Variants in PCSK5 observed in about 807,000 individuals in gnomAD.
PCSK5 encodes the protein prohormone convertase 5.
In PCSK5, 129 loss-of-function variants were observed where a neutral mutation model predicts 233.2. The observed-to-expected ratio is 0.55, with a 90% confidence interval of 0.48 to 0.64. The LOEUF is 0.64. Among genes scored for constraint, PCSK5 ranks in the 30% least tolerant of loss-of-function variants. The probability of loss-of-function intolerance (pLI) is 0.00; values close to 1 mark genes in which losing one functional copy is unlikely to be tolerated. For missense variants in PCSK5, 2,076 were observed against 2,430.1 expected (o/e 0.85, Z 3.06); for synonymous variants, 825 against 879.2 (o/e 0.94, Z 1.09).
intron 1 of PCSK5, 44 bp downstream of exon 1, chr9:75,891,417 T>C: frequency 2.8e-6 from 4 of 1,439,244 alleles, no homozygotes; most frequent in Non-Finnish European, 3.8e-6. Flanking sequence ...CTGAAGCCAC[T>C]GGGGGCTTCT....
At chr9:75,932,774 T>A (rs1321368904) in intron 2 of PCSK5, among the ~76,000 whole-genome samples, 1 of 152,070 alleles carries the variant, frequency 6.6e-6, no homozygotes, top group Non-Finnish European at 1.5e-5. Context: ...AGAGTTTGAT[T>A]GAGAATGATT....
Position 75,965,729 on chromosome 9 carries a change from C to T in PCSK5, c.298-20403C>T, listed in dbSNP as rs562779003. 3.9e-5 allele frequency among the ~76,000 whole-genome samples: 6 copies of T among 152,284 alleles called. No homozygotes were observed. In the East Asian group the frequency reaches 9.7e-4, roughly 25 times the overall value. Reference sequence around the variant, plus strand: ...CAAGTGGGCACATAAAATTAATTATCATACTGCCTATTGGTGACTTTTTTG... The same window carrying T: ...CAAGTGGGCACATAAAATTAATTATTATACTGCCTATTGGTGACTTTTTTG... On this transcript the variant is annotated intron_variant, in intron 2 of 37. Transcript: ENST00000674117.
At chr9:76,177,450 A>G (rs145168515) in intron 14 of PCSK5, among the ~76,000 whole-genome samples, 4 of 152,342 alleles carry the variant, frequency 2.6e-5, no homozygotes, top group Admixed American at 6.5e-5. Flanking sequence ...TTAAATACAC[A>G]TGTAGTTACT....
intron 33 of PCSK5, among the ~76,000 whole-genome samples, chr9:76,330,618 A>T (rs1194275352): frequency 2.0e-5 from 3 of 152,174 alleles, no homozygotes; most frequent in Admixed American, 6.5e-5. Flanking sequence ...TTTTAAATTT[A>T]AAAATTTTAA....
At chr9:76,114,569 T>C (rs977755823) in intron 9 of PCSK5, among the ~76,000 whole-genome samples, 1 of 152,138 alleles carries the variant, frequency 6.6e-6, no homozygotes, top group Non-Finnish European at 1.5e-5. Flanking sequence ...GTAGCCAGTG[T>C]GTTCCAACTC....
At chr9:76,323,015 C>A (rs1829252616) in intron 31 of PCSK5, 37 bp from the exon 32 acceptor site, 5 of 1,089,254 alleles carry the variant, frequency 4.6e-6, no homozygotes, top group South Asian at 4.1e-5. Context: ...TTTCTCCTAC[C>A]CCCCGGGGAT....
At chr9:75,920,105 G>T (rs929719232) in intron 1 of PCSK5, among the ~76,000 whole-genome samples, 2 of 152,096 alleles carry the variant, frequency 1.3e-5, no homozygotes, top group Non-Finnish European at 2.9e-5. Flanking sequence ...GGAGGCAAAG[G>T]TTGCAGTAAA....
chr9:76,347,763 GAAA>G (rs5898474), intron 35 of PCSK5, among the ~76,000 whole-genome samples: 1 of 126,220 alleles, frequency 7.9e-6, no homozygotes, highest in East Asian at 2.2e-4. Context: ...AAAATAAAAA[GAAA>G]AAAAAAAAAA....
chr9:76,239,187 T>C, intron 23 of PCSK5, 22 bp downstream of exon 23: 2 of 1,538,122 alleles, frequency 1.3e-6, no homozygotes, highest in Non-Finnish European at 1.8e-6. Context: ...CCTGGGCCCT[T>C]GCCCAGCACC....
chr9:76,270,269 T>C (rs1587821954), intron 24 of PCSK5, among the ~76,000 whole-genome samples: 1 of 152,216 alleles, frequency 6.6e-6, no homozygotes, highest in Non-Finnish European at 1.5e-5. Context: ...GTTTTCCTTT[T>C]TTCCAGCAAT....
At chr9:76,046,146 T>C (rs1410817029) in intron 5 of PCSK5, among the ~76,000 whole-genome samples, 1 of 145,924 alleles carries the variant, frequency 6.9e-6, no homozygotes, top group Non-Finnish European at 1.5e-5. Context: ...CATTAACACA[T>C]AATTTTTTCT....
chr9:76,151,782 AC>A (rs1236929016), intron 10 of PCSK5, among the ~76,000 whole-genome samples: 1 of 152,210 alleles, frequency 6.6e-6, no homozygotes, highest in African/African-American at 2.4e-5. Context: ...GTCCTTTTAT[AC>A]TTACAGTAAT....
chr9:76,035,132 A>G (rs1260923614), intron 5 of PCSK5, among the ~76,000 whole-genome samples: 1 of 152,180 alleles, frequency 6.6e-6, no homozygotes, highest in Non-Finnish European at 1.5e-5. Context: ...CAGGTTATCT[A>G]TTATAAAACA....
intron 3 of PCSK5, among the ~76,000 whole-genome samples, chr9:76,022,986 C>T (rs1828263715): frequency 6.6e-6 from 1 of 152,162 alleles, no homozygotes; most frequent in Non-Finnish European, 1.5e-5. Context: ...CATCTGGCTG[C>T]TGTACAGAGA....
chr9:76,130,572 G>T (rs936513219), intron 9 of PCSK5, among the ~76,000 whole-genome samples: 2 of 152,158 alleles, frequency 1.3e-5, no homozygotes, highest in African/African-American at 4.8e-5. Context: ...CAACAATCAT[G>T]CACATAAAAC....
At chr9:76,239,695 C>CA (rs61703191) in intron 23 of PCSK5, among the ~76,000 whole-genome samples, 1,403 of 111,032 alleles carry the variant, frequency 0.013, 11 homozygotes, top group Non-Finnish European at 0.019. Flanking sequence ...GACTCCATCT[C>CA]AAAAAAAAAA....
At chr9:76,064,340 G>A (rs1830177967) in intron 5 of PCSK5, among the ~76,000 whole-genome samples, 4 of 109,680 alleles carry the variant, frequency 3.6e-5, no homozygotes, top group Admixed American at 2.4e-4. Flanking sequence ...CCCGGACGGG[G>A]CGGCTGGCCG....
chr9:76,138,230 C>CT, intron 10 of PCSK5, among the ~76,000 whole-genome samples: 1 of 152,012 alleles, frequency 6.6e-6, no homozygotes, highest in Non-Finnish European at 1.5e-5. Context: ...CACTCCATCT[C>CT]TTTTTTTCTT....
At chr9:76,075,585 T>C (rs1438016725) in intron 7 of PCSK5, among the ~76,000 whole-genome samples, 1 of 152,194 alleles carries the variant, frequency 6.6e-6, no homozygotes, top group Admixed American at 6.5e-5. Flanking sequence ...ATTTGTATTT[T>C]TGTGTCACAC....
Sources: allele counts gnomAD v4.1 joint callset (sites outside exome capture counted in the v4.1 genomes callset), GRCh38; gene constraint gnomAD v4.1.1; transcripts MANE v1.5; gene names NCBI Gene and HGNC (gene_info 2026-07-23, HGNC 2026-07-21).